The following NR2F1-AS1 variants were observed in gnomAD, a reference collection of about 807,000 sequenced individuals.
NR2F1-AS1 encodes NR2F1 regulatory antisense RNA 1.
chr5:93,445,913 T>G (rs193237977), intron 4 of NR2F1-AS1, among the ~76,000 whole-genome samples: 66 of 152,302 alleles, frequency 4.3e-4, no homozygotes, highest in Non-Finnish European at 7.8e-4. Flanking sequence ...AATCAATACA[T>G]GTAATCCATC....
rs376307867 is a variant in NR2F1-AS1 at position 93,461,300 on chromosome 5, G to C, written n.639-65758C>G. Reference sequence around the variant, plus strand: ...TAAATGATGAACACATGGACACATTGACAGGAACAACACATACTGGGGATT... The same window carrying C: ...TAAATGATGAACACATGGACACATTCACAGGAACAACACATACTGGGGATT... On this transcript the variant is annotated intron_variant and non_coding_transcript_variant, in intron 4 of 5. Transcript: ENST00000660523. Among the ~76,000 whole-genome samples, 7 of 152,130 alleles carry C rather than the reference G, an allele frequency of 4.6e-5. No individual in the cohort carries two copies. The East Asian group carries it at 9.6e-4, about 21-fold the overall frequency.
At chr5:93,561,972 C>G (rs917731211) in intron 2 of NR2F1-AS1, among the ~76,000 whole-genome samples, 6 of 151,660 alleles carry the variant, frequency 4.0e-5, no homozygotes, top group Non-Finnish European at 5.9e-5. Context: ...AAGGAGATAA[C>G]TAAATTGACA....
rs1209456047 is a variant in NR2F1-AS1, at chr5:93,563,373, T to C, written n.404A>G. ...GTCTCAATATTCTTACCGCCATTCA[T>C]CCTGGTTAATATTGTGGTCACGGAG... On this transcript the variant is annotated non_coding_transcript_exon_variant, in exon 2 of 6. Transcript: ENST00000660523. The C allele has an allele frequency of 2.0e-5, 3 of 152,224 alleles. No homozygotes were observed. The East Asian group carries it at 5.8e-4, about 29-fold the overall frequency. 9.4% of individuals were successfully genotyped at this position (152,224 alleles called of 1,614,324 possible). A position where few individuals can be genotyped will look rare whatever the true frequency, so the allele number is the denominator to read the frequency against.
intron 1 of NR2F1-AS1, among the ~76,000 whole-genome samples, chr5:93,577,123 G>C (rs975750950): frequency 2.0e-4 from 30 of 152,212 alleles, no homozygotes; most frequent in African/African-American, 7.2e-4. Context: ...GCATCCAAAG[G>C]TCAGTGCTTG....
intron 4 of NR2F1-AS1, among the ~76,000 whole-genome samples, chr5:93,428,808 C>A (rs1392733194): frequency 6.6e-6 from 1 of 152,074 alleles, no homozygotes; most frequent in Non-Finnish European, 1.5e-5. Context: ...AGCTAGAATG[C>A]AAATTTAGTA....
At chr5:93,529,246 C>T (rs1751684552) in intron 4 of NR2F1-AS1, among the ~76,000 whole-genome samples, 1 of 152,056 alleles carries the variant, frequency 6.6e-6, no homozygotes, top group Non-Finnish European at 1.5e-5. Flanking sequence ...CCTGAAACAG[C>T]TCTGTTTTAA....
At chr5:93,529,568 T>C (rs1026419183) in intron 4 of NR2F1-AS1, among the ~76,000 whole-genome samples, 3 of 152,126 alleles carry the variant, frequency 2.0e-5, no homozygotes, top group Non-Finnish European at 2.9e-5. Context: ...AAGGTGACCA[T>C]AGGTAAATTA....
Position 93,434,412 on chromosome 5 carries a change from A to G in NR2F1-AS1, n.639-38870T>C, listed in dbSNP as rs1339493187. Among the ~76,000 whole-genome samples the G allele has an allele frequency of 3.3e-5, 5 of 152,144 alleles. No homozygotes were observed. The East Asian group carries it at 7.7e-4, about 23-fold the overall frequency. On this transcript the variant is annotated intron_variant and non_coding_transcript_variant, in intron 4 of 5. Coordinates refer to ENST00000660523, the Ensembl canonical transcript of NR2F1-AS1. ...GAACTCCTGTTTGTGTTTGACCCAC[A>G]TTGTTAACATTTTGCCACAATTGCT... is the stretch of plus-strand genomic sequence containing the variant.
chr5:93,473,887 C>G (rs1264124065), intron 4 of NR2F1-AS1, among the ~76,000 whole-genome samples: 1 of 151,812 alleles, frequency 6.6e-6, no homozygotes, highest in Non-Finnish European at 1.5e-5. Context: ...TCTCCAAGAT[C>G]ATTTATATAA....
chr5:93,470,917 C>A (rs1475133135), intron 4 of NR2F1-AS1, among the ~76,000 whole-genome samples: 1 of 151,720 alleles, frequency 6.6e-6, no homozygotes, highest in Non-Finnish European at 1.5e-5. Context: ...CTAAAAATTG[C>A]CATAGAAATT....
intron 4 of NR2F1-AS1, among the ~76,000 whole-genome samples, chr5:93,455,630 C>T (rs531047356): frequency 2.6e-5 from 4 of 151,884 alleles, no homozygotes; most frequent in Admixed American, 1.3e-4. Flanking sequence ...CATATAAATA[C>T]GAATTAGAAG....
chr5:93,472,985 AC>A (rs1750401277), intron 4 of NR2F1-AS1, among the ~76,000 whole-genome samples: 1 of 151,948 alleles, frequency 6.6e-6, no homozygotes, highest in South Asian at 2.1e-4. Flanking sequence ...GCCTATTTTT[AC>A]CAATATATAA....
At chr5:93,493,551 A>C (rs1463744297) in intron 4 of NR2F1-AS1, among the ~76,000 whole-genome samples, 1 of 152,134 alleles carries the variant, frequency 6.6e-6, no homozygotes, top group African/African-American at 2.4e-5. Flanking sequence ...ACAATATTTC[A>C]AAAGTAACAT....
At chr5:93,417,227 T>TAAAC (rs1748986115) in intron 4 of NR2F1-AS1, among the ~76,000 whole-genome samples, 1 of 152,210 alleles carries the variant, frequency 6.6e-6, no homozygotes, top group South Asian at 2.1e-4. Context: ...AATGCAAAGG[T>TAAAC]AAACTTTAAC....
At chr5:93,564,151 C>CAG (rs1752564349) in intron 1 of NR2F1-AS1, among the ~76,000 whole-genome samples, 1 of 70,436 alleles carries the variant, frequency 1.4e-5, no homozygotes, top group African/African-American at 5.0e-5. Context: ...AAAAAAAAAA[C>CAG]ACACAACTAC....
chr5:93,478,993 G>A (rs1750545949), intron 4 of NR2F1-AS1, among the ~76,000 whole-genome samples: 1 of 152,144 alleles, frequency 6.6e-6, no homozygotes, highest in South Asian at 2.1e-4. Context: ...CAGTTGAGTT[G>A]ACACGAACTG....
intron 4 of NR2F1-AS1, among the ~76,000 whole-genome samples, chr5:93,444,287 T>G (rs1255831415): frequency 1.3e-5 from 2 of 152,160 alleles, no homozygotes; most frequent in African/African-American, 4.8e-5. Flanking sequence ...TCCATCAGTG[T>G]GCTGTATTCA....
At chr5:93,505,069 TG>T (rs939893226) in intron 4 of NR2F1-AS1, among the ~76,000 whole-genome samples, 14 of 152,110 alleles carry the variant, frequency 9.2e-5, no homozygotes, top group Non-Finnish European at 1.5e-4. Context: ...CTAAATACAA[TG>T]GGGGTACAGG....
At position 93,431,522 on chromosome 5, in the gene NR2F1-AS1, T is replaced by A. The variant is rs114726827; in HGVS notation, n.639-35980A>T. Among the ~76,000 whole-genome samples the A allele has an allele frequency of 6.4e-3, 977 of 152,330 alleles. 4 individuals are homozygous for A. The highest frequency in any genetic ancestry group is 9.3e-3 in the Non-Finnish European group (631 of 68,034). ...TTGTCTAGTTAGAGAAATTTATTTT[T>A]CCCAGAATGACAATCCTTTAAGTAG... On this transcript the variant is annotated intron_variant and non_coding_transcript_variant, in intron 4 of 5. Coordinates refer to ENST00000660523, the Ensembl canonical transcript of NR2F1-AS1.
Sources: allele counts gnomAD v4.1 joint callset (sites outside exome capture counted in the v4.1 genomes callset), GRCh38; gene constraint gnomAD v4.1.1; transcripts MANE v1.5; gene names NCBI Gene and HGNC (gene_info 2026-07-23, HGNC 2026-07-21).